Variants in PPP1R12B observed in about 807,000 individuals in gnomAD.
PPP1R12B encodes myosin phosphatase target subunit 2.
In PPP1R12B, 76 loss-of-function variants were observed where a neutral mutation model predicts 126.1. That is an observed-to-expected ratio of 0.60 (90% CI 0.50 to 0.73). The LOEUF (loss-of-function observed/expected upper bound fraction) is 0.73, where lower values mean the gene tolerates loss of function less well. PPP1R12B is among the 30% of genes least tolerant of loss of function. The probability of loss-of-function intolerance (pLI) is 0.00; values close to 1 mark genes in which losing one functional copy is unlikely to be tolerated. For synonymous variants in PPP1R12B, 356 were observed against 434.7 expected, an observed-to-expected ratio of 0.82 and a Z score of 2.25; for missense variants, 1,052 against 1,205.1, an observed-to-expected ratio of 0.87 and a Z score of 1.88.
rs1689992831 is a variant in PPP1R12B, at chr1:202,588,856, T to C, written c.*8296T>C. ...ATAGATAGATAGATAGATAGATAGA[T>C]AGATAGATAGATAGATATCAAGGTT... On this transcript the variant is annotated 3_prime_UTR_variant, in exon 24 of 24. Transcript: ENST00000608999. 1.4e-5 allele frequency: 2 copies of C among 145,356 alleles called. No individual in the cohort carries two copies. The highest frequency in any genetic ancestry group is 4.2e-4 in the South Asian group (2 of 4,738). The allele number at this position is 145,356 out of a possible 1,614,324, so 9.0% of individuals were successfully genotyped here. A position where few individuals can be genotyped will look rare whatever the true frequency, so the allele number is the denominator to read the frequency against.
intron 13 of PPP1R12B, among the ~76,000 whole-genome samples, chr1:202,454,961 G>C (rs1673436608): frequency 6.6e-6 from 1 of 152,040 alleles, no homozygotes; most frequent in South Asian, 2.1e-4. Flanking sequence ...GAGGATGAAA[G>C]AAGGCTCTCA....
intron 8 of PPP1R12B, 125 bp from the exon 9 acceptor site, chr1:202,434,531 C>T: frequency 8.3e-7 from 1 of 1,211,590 alleles, no homozygotes; most frequent in Non-Finnish European, 1.1e-6. Flanking sequence ...TATATCCAAG[C>T]ATTACAGGGC....
chr1:202,577,030 C>CAACT (rs1689157188), intron 23 of PPP1R12B: 1 of 152,202 alleles, frequency 6.6e-6, no homozygotes, highest in Admixed American at 6.5e-5. Context: ...ATCTATTGAG[C>CAACT]AACTACACTG....
chr1:202,402,843 A>G (rs1374684670), intron 1 of PPP1R12B, among the ~76,000 whole-genome samples: 1 of 152,262 alleles, frequency 6.6e-6, no homozygotes, highest in Admixed American at 6.5e-5. Context: ...CACTGTATGT[A>G]AATTTTACTT....
At chr1:202,387,163 G>A (rs531849580) in intron 1 of PPP1R12B, among the ~76,000 whole-genome samples, 118 of 152,242 alleles carry the variant, frequency 7.8e-4, no homozygotes, top group Non-Finnish European at 1.6e-3. Context: ...TATAGCCTTT[G>A]AAAACAAAGT....
chr1:202,561,967 G>A (rs191008021), intron 19 of PPP1R12B, among the ~76,000 whole-genome samples: 1 of 152,184 alleles, frequency 6.6e-6, no homozygotes, highest in South Asian at 2.1e-4. Flanking sequence ...GTAGCACTCT[G>A]CAGGGCTGAT....
At chr1:202,476,957 G>A (rs1201677847) in intron 13 of PPP1R12B, among the ~76,000 whole-genome samples, 1 of 152,008 alleles carries the variant, frequency 6.6e-6, no homozygotes, top group African/African-American at 2.4e-5. Flanking sequence ...CTTCTACTTG[G>A]AGTAGTTTTA....
chr1:202,434,705 T>G lies in PPP1R12B; in HGVS notation c.1191T>G (p.Ser397Arg). 1 of 1,613,494 alleles carries G rather than the reference T, an allele frequency of 6.2e-7. No individual in the cohort carries two copies. Among genetic ancestry groups the G allele is most frequent in the Non-Finnish European group, 8.5e-7 (1 of 1,179,844 alleles). ...ATCATTCCAACTCTGAAAGCAAGAG[T>G]AGTATCACAGAGCAGATACCAGCAC... ...FVNHSNSESK[S>R]SITEQIPAPA... is the part of the protein sequence containing the mutation. Residue 397 changes from serine to arginine, a missense_variant, in exon 9 of 24, where the codon AGT becomes AGG. Transcript: ENST00000608999.
chr1:202,494,918 T>C (rs943435220), intron 15 of PPP1R12B, among the ~76,000 whole-genome samples: 6 of 152,238 alleles, frequency 3.9e-5, no homozygotes, highest in African/African-American at 1.4e-4. Context: ...TTTCCCTACA[T>C]AAACCTTGCC....
At chr1:202,358,571 A>T (rs145879370) in intron 1 of PPP1R12B, among the ~76,000 whole-genome samples, 1 of 151,902 alleles carries the variant, frequency 6.6e-6, no homozygotes, top group African/African-American at 2.4e-5. Flanking sequence ...TGTCCCAGCT[A>T]CTCGGGAGAC....
At chr1:202,546,260 C>A (rs558989442) in intron 18 of PPP1R12B, among the ~76,000 whole-genome samples, 4 of 152,210 alleles carry the variant, frequency 2.6e-5, no homozygotes, top group African/African-American at 9.6e-5. Flanking sequence ...TGAGAGAGGG[C>A]AGAGTCAGGA....
intron 18 of PPP1R12B, among the ~76,000 whole-genome samples, chr1:202,537,172 C>A (rs1393341548): frequency 6.6e-6 from 1 of 152,062 alleles, no homozygotes; most frequent in Admixed American, 6.5e-5. Context: ...CATGGTGAAA[C>A]CCTGTCTCTA....
At chr1:202,439,024 C>A in intron 10 of PPP1R12B, 1 of 1,383,512 alleles carries the variant, frequency 7.2e-7, no homozygotes, top group Non-Finnish European at 1.0e-6. Flanking sequence ...GCAGTGCCCA[C>A]TACCAGTGGG....
intron 1 of PPP1R12B, among the ~76,000 whole-genome samples, chr1:202,397,283 G>A (rs1665126186): frequency 6.6e-6 from 1 of 152,110 alleles, no homozygotes; most frequent in Admixed American, 6.6e-5. Context: ...TTGACTGTTA[G>A]CAGCATCAAC....
At chr1:202,561,814 G>T (rs1439893268) in intron 19 of PPP1R12B, among the ~76,000 whole-genome samples, 3 of 152,150 alleles carry the variant, frequency 2.0e-5, no homozygotes, top group African/African-American at 7.2e-5. Context: ...TGCCTTCTCT[G>T]TGTCATCCTT....
At chr1:202,441,583 A>G (rs1242486437) in intron 11 of PPP1R12B, among the ~76,000 whole-genome samples, 2 of 152,198 alleles carry the variant, frequency 1.3e-5, no homozygotes, top group Non-Finnish European at 2.9e-5. Context: ...TTTGAGAAGG[A>G]TTGTTCTAGA....
intron 13 of PPP1R12B, among the ~76,000 whole-genome samples, chr1:202,473,274 T>C (rs1447588504): frequency 6.6e-6 from 1 of 152,246 alleles, no homozygotes; most frequent in Non-Finnish European, 1.5e-5. Context: ...CTAGAAATCT[T>C]CCTGATCTGT....
At chr1:202,360,892 CT>C (rs11311546) in intron 1 of PPP1R12B, among the ~76,000 whole-genome samples, 95,447 of 109,434 alleles carry the variant, frequency 0.87, 41,462 homozygotes, top group South Asian at 0.95. Context: ...ACCATTAGCT[CT>C]TTTTTTTTTT....
chr1:202,351,160 C>T (rs1169404605), intron 1 of PPP1R12B, among the ~76,000 whole-genome samples: 1 of 151,700 alleles, frequency 6.6e-6, no homozygotes, highest in African/African-American at 2.4e-5. Context: ...CAGAACATTA[C>T]AAGTCAGTTT....
Sources: allele counts gnomAD v4.1 joint callset (sites outside exome capture counted in the v4.1 genomes callset), GRCh38; gene constraint gnomAD v4.1.1; transcripts MANE v1.5; gene names NCBI Gene and HGNC (gene_info 2026-07-23, HGNC 2026-07-21).